MTARC2: variants seen among roughly 807,000 people sequenced by gnomAD.
The protein encoded by MTARC2 is MOCO sulphurase C-terminal domain containing 2.
Under a neutral mutation model 35.6 loss-of-function variants are expected in MTARC2, and 27 were observed. That is an observed-to-expected ratio of 0.76 (90% CI 0.56 to 1.04). The LOEUF (loss-of-function observed/expected upper bound fraction) is 1.04. Ranked by LOEUF, MTARC2 falls within the 50% of genes least tolerant of loss-of-function variation. The pLI is 0.00. For synonymous variants in MTARC2, 158 were observed against 167.1 expected (o/e 0.95, Z 0.42); for missense variants, 412 against 432.5 (o/e 0.95, Z 0.42).
chr1:220,779,386 T>C (rs1247546592), intron 4 of MTARC2, among the ~76,000 whole-genome samples: 2 of 152,206 alleles, frequency 1.3e-5, no homozygotes, highest in Non-Finnish European at 2.9e-5. Context: ...CAATTTTGTA[T>C]CTCTCTAGTC....
intron 4 of MTARC2, among the ~76,000 whole-genome samples, chr1:220,774,622 A>T (rs1671841369): frequency 1.3e-5 from 2 of 152,072 alleles, no homozygotes; most frequent in South Asian, 4.1e-4. Flanking sequence ...AGGCTCAAGG[A>T]ACAGAATCCC....
intron 5 of MTARC2, 32 bp downstream of exon 5, chr1:220,780,111 G>T: frequency 6.2e-7 from 1 of 1,606,174 alleles, no homozygotes. Flanking sequence ...CAGGACTGTG[G>T]TGTGGCCCAT....
At chr1:220,779,623 A>C (rs998553325) in intron 4 of MTARC2, among the ~76,000 whole-genome samples, 2 of 152,136 alleles carry the variant, frequency 1.3e-5, no homozygotes, top group African/African-American at 4.8e-5. Context: ...TGATGTCCCC[A>C]CTCTTCAAAG....
chr1:220,755,252 C>T (rs1419735740), intron 2 of MTARC2, 132 bp downstream of exon 2: 2 of 990,464 alleles, frequency 2.0e-6, no homozygotes, highest in Non-Finnish European at 2.8e-6. Context: ...AAGAGAAGTG[C>T]AGTTTGAGTT....
At position 220,763,028 on chromosome 1, in the gene MTARC2, C is replaced by T; in HGVS notation, c.728C>T (p.Thr243Ile). ...MENFRPNIVVTGCDAFEEDTW... is the reference protein window; with the variant it reads ...MENFRPNIVVIGCDAFEEDTW... The stretch of plus-strand genomic sequence containing the variant: ...AATTTCAGGCCAAATATTGTGGTGA[C>T]CGGCTGTGATGCTTTTGAGGAGGTA... Residue 243 changes from threonine (T) to isoleucine (I), a missense_variant, in exon 4 of 8, where the codon ACC (threonine) becomes ATC (isoleucine). Physicochemically the swap from Thr to Ile is moderately conservative, Grantham distance 89 (BLOSUM62 -1). Transcript: ENST00000366913. 2.5e-6 allele frequency: 4 copies of T among 1,614,118 alleles called. No individual in the cohort carries two copies. Among genetic ancestry groups the T allele is most frequent in the Non-Finnish European group, 3.4e-6 (4 of 1,180,026 alleles).
chr1:220,761,379 G>A (rs1160650727), intron 2 of MTARC2, among the ~76,000 whole-genome samples: 3 of 152,174 alleles, frequency 2.0e-5, no homozygotes, highest in African/African-American at 7.2e-5. Flanking sequence ...AAGCTTGTTG[G>A]GAATGCAGAA....
chr1:220,765,675 T>C (rs1671560822), intron 4 of MTARC2, among the ~76,000 whole-genome samples: 1 of 152,110 alleles, frequency 6.6e-6, no homozygotes, highest in Non-Finnish European at 1.5e-5. Flanking sequence ...CCAGCTCAGG[T>C]GATCCTCCCA....
At chr1:220,771,121 A>G (rs1191102992) in intron 4 of MTARC2, among the ~76,000 whole-genome samples, 1 of 152,136 alleles carries the variant, frequency 6.6e-6, no homozygotes, top group Non-Finnish European at 1.5e-5. Context: ...CACTATGGTG[A>G]AACCCCATCT....
rs1672154280 is a variant in MTARC2 at position 220,784,192 on chromosome 1, T to C, written c.*305T>C. On this transcript the variant is annotated 3_prime_UTR_variant, in exon 8 of 8. Transcript: ENST00000366913. The stretch of plus-strand genomic sequence containing the variant: ...GAATGTTATCATGGCTATTACACTT[T>C]TACTTCCTGACTTTAATATTGATGA... 7.0e-6 allele frequency: 3 copies of C among 429,528 alleles called. No individual in the cohort carries two copies. The highest frequency in any genetic ancestry group is 9.9e-5 in the South Asian group (2 of 20,248). The allele number at this position is 429,528 out of a possible 1,614,324, so 26.6% of individuals were successfully genotyped here.
At chr1:220,751,551 T>C in intron 1 of MTARC2, among the ~76,000 whole-genome samples, 1 of 152,262 alleles carries the variant, frequency 6.6e-6, no homozygotes, top group East Asian at 1.9e-4. Flanking sequence ...CAATTCCTGC[T>C]GTTTTTCTCC....
intron 4 of MTARC2, among the ~76,000 whole-genome samples, chr1:220,764,258 A>G (rs1020199096): frequency 2.6e-5 from 4 of 151,882 alleles, no homozygotes; most frequent in African/African-American, 9.7e-5. Flanking sequence ...CACCTTGGCT[A>G]ATTTTTGTAC....
chr1:220,761,756 T>C lies in MTARC2; in HGVS notation c.545T>C (p.Phe182Ser), dbSNP rs1281601346. Residue 182 changes from phenylalanine to serine, a missense_variant, in exon 3 of 8, where the codon TTT becomes TCT. Phe to Ser is a radical substitution (Grantham distance 155). Transcript: ENST00000366913. ...ACTGAAGCGTATAGATTGGTTCAATTTGAGACAAACATGAAGGGAAGAACA... is the reference window on the plus strand; with the variant it reads ...ACTGAAGCGTATAGATTGGTTCAATCTGAGACAAACATGAAGGGAAGAACA... ...LKTEAYRLVQ[F>S]ETNMKGRTSR... The C allele has an allele frequency of 3.7e-6, 6 of 1,613,870 alleles. No homozygotes were observed. The highest frequency in any genetic ancestry group is 3.3e-5 in the South Asian group (3 of 91,000).
chr1:220,762,352 C>T (rs1351116326), intron 3 of MTARC2, among the ~76,000 whole-genome samples: 2 of 152,162 alleles, frequency 1.3e-5, no homozygotes. Context: ...ATGGTTTATA[C>T]TAGGCTCAGT....
At chr1:220,758,580 C>T (rs1047032508) in intron 2 of MTARC2, among the ~76,000 whole-genome samples, 2 of 152,062 alleles carry the variant, frequency 1.3e-5, no homozygotes, top group South Asian at 2.1e-4. Flanking sequence ...CCACCACACC[C>T]GGCTAATTTT....
At chr1:220,750,062 A>G (rs919693846) in intron 1 of MTARC2, among the ~76,000 whole-genome samples, 1 of 152,168 alleles carries the variant, frequency 6.6e-6, no homozygotes, top group African/African-American at 2.4e-5. Flanking sequence ...TGAGATTCCC[A>G]TCCCAGGACT....
chr1:220,765,759 T>C (rs929195485), intron 4 of MTARC2, among the ~76,000 whole-genome samples: 1 of 152,204 alleles, frequency 6.6e-6, no homozygotes, highest in Non-Finnish European at 1.5e-5. Flanking sequence ...TTTTGTATTT[T>C]TTTGTAGAGA....
At chr1:220,755,218 A>G (rs1572293443) in intron 2 of MTARC2, 98 bp downstream of exon 2, 1 of 1,285,634 alleles carries the variant, frequency 7.8e-7, no homozygotes, top group East Asian at 2.5e-5. Context: ...ACAGTAGAGG[A>G]TGACATTGGT....
rs11557506 is a variant in MTARC2, at chr1:220,784,432, A to G, written c.*545A>G. 0.016 allele frequency: 2,556 copies of G among 159,030 alleles called. 44 individuals are homozygous for G. Among genetic ancestry groups the G allele is most frequent in the East Asian group, 0.056 (307 of 5,450 alleles). The allele number at this position is 159,030 out of a possible 1,614,324, so 9.9% of individuals were successfully genotyped here. A position where few individuals can be genotyped will look rare whatever the true frequency, so the allele number is the denominator to read the frequency against. On this transcript the variant is annotated 3_prime_UTR_variant, in exon 8 of 8. Coordinates refer to ENST00000366913, the MANE Select transcript of MTARC2 (RefSeq NM_017898.5). ...TTGACTTTCCACTCATGTGCTTTTT[A>G]CTCTAGCATTATGGAATCTGGGCTG...
intron 1 of MTARC2, among the ~76,000 whole-genome samples, chr1:220,749,467 G>C (rs192005835): frequency 8.8e-5 from 12 of 136,424 alleles, no homozygotes; most frequent in African/African-American, 2.9e-4. Flanking sequence ...ATCTCACTTC[G>C]TAGCTCAGGC....
Sources: gnomAD v4.1 joint callset for allele counts (sites outside exome capture counted in the v4.1 genomes callset) on GRCh38, gnomAD v4.1.1 for gene constraint, MANE v1.5 for transcripts, NCBI Gene and HGNC (gene_info 2026-07-23, HGNC 2026-07-21) for gene names.